The following NTM variants were observed in gnomAD, a reference collection of about 807,000 sequenced individuals.
The protein encoded by NTM is neurotrimin, also known as IgLON family member 2.
A neutral mutation model predicts 42.1 loss-of-function variants in NTM; 13 were observed. That is an observed-to-expected ratio of 0.31 (90% CI 0.20 to 0.49). NTM has a LOEUF of 0.49. NTM is among the 20% of genes least tolerant of loss of function. The probability of loss-of-function intolerance (pLI) is 0.99; values close to 1 mark genes in which losing one functional copy is unlikely to be tolerated. For missense variants in NTM, 373 were observed against 452.8 expected (o/e 0.82, Z 1.60); for synonymous variants, 187 against 179.2 (o/e 1.04, Z -0.35).
intron 1 of NTM, among the ~76,000 whole-genome samples, chr11:131,420,984 A>C (rs1002998097): frequency 6.6e-6 from 1 of 151,810 alleles, no homozygotes; most frequent in Non-Finnish European, 1.5e-5. Flanking sequence ...TTGCCCTCTC[A>C]TCTCTTTCTC....
At chr11:131,600,035 C>T (rs145173714) in intron 1 of NTM, among the ~76,000 whole-genome samples, 2 of 152,216 alleles carry the variant, frequency 1.3e-5, no homozygotes, top group African/African-American at 2.4e-5. Context: ...CTCTCCGAGG[C>T]GGCTCACCTC....
intron 3 of NTM, among the ~76,000 whole-genome samples, chr11:132,209,078 C>G (rs988461411): frequency 6.6e-6 from 1 of 152,026 alleles, no homozygotes; most frequent in Non-Finnish European, 1.5e-5. Context: ...TGGGAATGCT[C>G]TAGTTAAAAC....
chr11:131,661,457 G>A (rs2068059758), intron 1 of NTM, among the ~76,000 whole-genome samples: 1 of 152,224 alleles, frequency 6.6e-6, no homozygotes, highest in African/African-American at 2.4e-5. Flanking sequence ...GGACAGAAAG[G>A]AGGTTTGTGG....
chr11:131,579,565 G>A (rs1345302651), intron 1 of NTM, among the ~76,000 whole-genome samples: 1 of 152,174 alleles, frequency 6.6e-6, no homozygotes, highest in Non-Finnish European at 1.5e-5. Flanking sequence ...ATGTCCCTGT[G>A]GGGGAACCAA....
chr11:131,494,229 A>G (rs1226825780), intron 1 of NTM, among the ~76,000 whole-genome samples: 1 of 152,162 alleles, frequency 6.6e-6, no homozygotes, highest in Non-Finnish European at 1.5e-5. Flanking sequence ...AGCTCCTACA[A>G]TGTCTAAGCT....
intron 2 of NTM, among the ~76,000 whole-genome samples, chr11:131,950,614 T>C (rs2060874571): frequency 6.6e-6 from 1 of 152,210 alleles, no homozygotes. Context: ...TGGATGGTAC[T>C]TCTCTTAGCC....
chr11:132,067,033 C>T (rs938851128), intron 2 of NTM, among the ~76,000 whole-genome samples: 2 of 152,184 alleles, frequency 1.3e-5, no homozygotes, highest in African/African-American at 4.8e-5. Flanking sequence ...CAGCTCACTG[C>T]AGCCTTGACC....
chr11:132,185,255 CTG>C (rs1447479006), intron 3 of NTM, among the ~76,000 whole-genome samples: 5 of 152,294 alleles, frequency 3.3e-5, no homozygotes, highest in African/African-American at 7.2e-5. Context: ...ATGTGTATGT[CTG>C]TGTGTGTACA....
chr11:131,377,641 T>C (rs1399612849), intron 1 of NTM, among the ~76,000 whole-genome samples: 2 of 152,246 alleles, frequency 1.3e-5, no homozygotes, highest in African/African-American at 4.8e-5. Context: ...AAGGAATTTC[T>C]TTGTTTTCTT....
intron 1 of NTM, among the ~76,000 whole-genome samples, chr11:131,631,601 C>G (rs1242512310): frequency 1.3e-5 from 2 of 152,214 alleles, no homozygotes; most frequent in African/African-American, 4.8e-5. Context: ...CTCCCACGTT[C>G]CCATTAATTA....
chr11:131,817,344 C>T (rs369093879), intron 1 of NTM, among the ~76,000 whole-genome samples: 4 of 152,324 alleles, frequency 2.6e-5, no homozygotes, highest in African/African-American at 9.6e-5. Context: ...TCACATACAG[C>T]ATATCTGCTC....
intron 1 of NTM, among the ~76,000 whole-genome samples, chr11:131,880,491 A>G (rs1248571634): frequency 6.6e-6 from 1 of 152,092 alleles, no homozygotes; most frequent in African/African-American, 2.4e-5. Context: ...TGAGGAAGAG[A>G]AAGTTTAAGC....
chr11:132,157,454 G>A (rs905785909), intron 3 of NTM, among the ~76,000 whole-genome samples: 1 of 152,154 alleles, frequency 6.6e-6, no homozygotes, highest in Non-Finnish European at 1.5e-5. Flanking sequence ...AAACTAAGAT[G>A]ATACTTTTTG....
At chr11:131,537,609 A>G (rs560982088) in intron 1 of NTM, 2 of 152,382 alleles carry the variant, frequency 1.3e-5, no homozygotes, top group East Asian at 3.9e-4. Context: ...AAAGGCAGAC[A>G]AGATGGTGCA....
chr11:132,189,053 T>C (rs2078886757), intron 3 of NTM, among the ~76,000 whole-genome samples: 1 of 152,210 alleles, frequency 6.6e-6, no homozygotes, highest in Non-Finnish European at 1.5e-5. Flanking sequence ...AGTATCAGCA[T>C]CTGGAGTAAT....
chr11:132,188,814 C>G (rs2138206990), intron 3 of NTM, among the ~76,000 whole-genome samples: 1 of 152,308 alleles, frequency 6.6e-6, no homozygotes, highest in South Asian at 2.1e-4. Context: ...TGATGCTAAT[C>G]TAATCTAGAC....
intron 1 of NTM, among the ~76,000 whole-genome samples, chr11:131,891,393 A>G (rs867068948): frequency 3.3e-5 from 5 of 152,182 alleles, no homozygotes; most frequent in Admixed American, 2.6e-4. Context: ...GTTGACCACA[A>G]GTTGGGGAAA....
At position 132,311,997 on chromosome 11, in the gene NTM, T is replaced by G. The variant is rs186352630; in HGVS notation, c.782+1765T>G. Among the ~76,000 whole-genome samples the G allele has an allele frequency of 2.0e-3, 305 of 152,288 alleles. 1 individual carries two copies. The Middle Eastern group carries it at 0.027, about 14-fold the overall frequency. On this transcript the variant is annotated intron_variant, in intron 6 of 8. Coordinates refer to ENST00000683400, the MANE Select transcript of NTM (RefSeq NM_001352005.2). ...TCTGTCTTTCTTTCAGTTCTTCTGA[T>G]GGCCTCTCCTTTTCTCCCCTTTCCA...
At chr11:131,694,619 G>A (rs7121311) in intron 1 of NTM, among the ~76,000 whole-genome samples, 14,635 of 152,244 alleles carry the variant, frequency 0.096, 2,315 homozygotes, top group African/African-American at 0.33. Context: ...TGCAGTGAAT[G>A]AGCTCAGGCA....
Sources: allele counts gnomAD v4.1 joint callset (sites outside exome capture counted in the v4.1 genomes callset), GRCh38; gene constraint gnomAD v4.1.1; transcripts MANE v1.5; gene names NCBI Gene and HGNC (gene_info 2026-07-23, HGNC 2026-07-21).